The following GALNTL6 variants were observed in gnomAD, a reference collection of about 807,000 sequenced individuals.
The protein encoded by GALNTL6 is polypeptide N-acetylgalactosaminyltransferase-like 6.
Under a neutral mutation model 73.7 loss-of-function variants are expected in GALNTL6, and 46 were observed. The observed-to-expected ratio is 0.62, with a 90% CI of 0.49 to 0.80. GALNTL6 has a LOEUF of 0.80. Among genes scored for constraint, GALNTL6 ranks in the 30% least tolerant of loss-of-function variants. The pLI, the probability that GALNTL6 is intolerant of heterozygous loss-of-function variation, is 0.00. For synonymous variants in GALNTL6, 259 were observed against 263.7 expected (o/e 0.98, Z 0.17); for missense variants, 604 against 755.0 (o/e 0.80, Z 2.34).
intron 5 of GALNTL6, among the ~76,000 whole-genome samples, chr4:172,431,205 G>C (rs1250572099): frequency 6.6e-6 from 1 of 152,074 alleles, no homozygotes; most frequent in African/African-American, 2.4e-5. Context: ...AAGTAGATTT[G>C]AATAGATTTC....
rs1005181117 is a variant in GALNTL6 at position 172,408,690 on chromosome 4, G to A, written c.553+60001G>A. Among the ~76,000 whole-genome samples the A allele has an allele frequency of 7.9e-5, 12 of 151,760 alleles. No individual in the cohort carries two copies. In the South Asian group the frequency reaches 1.7e-3, roughly 21 times the overall value. ...TGCTAATCATTTGTTGAATTAAACT[G>A]ATGTTGTTAGTAGGCGAGGAAATAC... On this transcript the variant is annotated intron_variant, in intron 5 of 12. Transcript: ENST00000506823.
At chr4:172,433,259 T>G (rs1731521535) in intron 5 of GALNTL6, among the ~76,000 whole-genome samples, 1 of 152,160 alleles carries the variant, frequency 6.6e-6, no homozygotes, top group Non-Finnish European at 1.5e-5. Flanking sequence ...ATCTGGTTGT[T>G]AAGCATGAGC....
At chr4:171,821,426 T>C (rs494770) in intron 2 of GALNTL6, among the ~76,000 whole-genome samples, 105,427 of 151,848 alleles carry the variant, frequency 0.69, 38,868 homozygotes, top group Admixed American at 0.83. Context: ...TAGTATTGGG[T>C]CTTGTTCTCT....
At position 172,348,378 on chromosome 4, in the gene GALNTL6, C is replaced by A. The variant is rs1741826902; in HGVS notation, c.387-145C>A. On this transcript the variant is annotated intron_variant, in intron 4 of 12. Transcript: ENST00000506823. The stretch of plus-strand genomic sequence containing the variant: ...TGCATTCCGTGAAGGAGCAGGATAA[C>A]AATCATGCTGTACAAACTCTGGTTG... 6 of 572,392 alleles carry A rather than the reference C, an allele frequency of 1.0e-5. No homozygotes were observed. The South Asian group carries it at 1.6e-4, about 15-fold the overall frequency. 35.5% of individuals were successfully genotyped at this position (572,392 alleles called of 1,614,324 possible). A position where few individuals can be genotyped will look rare whatever the true frequency, so the allele number is the denominator to read the frequency against.
chr4:172,522,674 C>T (rs550668250), intron 5 of GALNTL6, among the ~76,000 whole-genome samples: 5 of 64,088 alleles, frequency 7.8e-5, no homozygotes, highest in East Asian at 7.5e-4. Context: ...GTCCCCCCCC[C>T]CCCCAAAAAA....
intron 5 of GALNTL6, among the ~76,000 whole-genome samples, chr4:172,436,900 C>T (rs1400292662): frequency 6.6e-6 from 1 of 152,052 alleles, no homozygotes. Flanking sequence ...GGTGGATTTG[C>T]AGTCTAGCTG....
At chr4:172,333,961 A>G (rs1219519985) in intron 4 of GALNTL6, among the ~76,000 whole-genome samples, 4 of 152,010 alleles carry the variant, frequency 2.6e-5, no homozygotes, top group Non-Finnish European at 4.4e-5. Context: ...TCCCAATGTA[A>G]GTTCTTGTCA....
chr4:171,892,456 A>G (rs6812180), intron 2 of GALNTL6, among the ~76,000 whole-genome samples: 1,594 of 152,346 alleles, frequency 0.01, 31 homozygotes, highest in African/African-American at 0.037. Flanking sequence ...TATCCCTTAC[A>G]AATGCCAAAA....
chr4:172,810,149 A>G (rs1368562424), intron 6 of GALNTL6, among the ~76,000 whole-genome samples: 2 of 152,212 alleles, frequency 1.3e-5, no homozygotes, highest in African/African-American at 4.8e-5. Flanking sequence ...CTTCTAACAC[A>G]GTGCAGCTGT....
rs180770366 is a variant in GALNTL6 at position 173,022,859 on chromosome 4, A to C, written c.1638+1234A>C. ...AAAATATTTTTATTGTTTCCTTTTG[A>C]CAACTTTTTAGAATACTTTACAAAA... On this transcript the variant is annotated intron_variant, in intron 12 of 12. Coordinates refer to ENST00000506823, the MANE Select transcript of GALNTL6 (RefSeq NM_001034845.3). 1.1e-3 allele frequency among the ~76,000 whole-genome samples: 162 copies of C among 152,340 alleles called. 1 individual carries two copies. Among genetic ancestry groups the C allele is most frequent in the Non-Finnish European group, 1.5e-3 (105 of 68,034 alleles).
intron 5 of GALNTL6, among the ~76,000 whole-genome samples, chr4:172,762,908 AC>A (rs67889223): frequency 0.48 from 72,256 of 151,808 alleles, 17,945 homozygotes; most frequent in African/African-American, 0.62. Context: ...TGTTTAAAAA[AC>A]ATTAGAAAAG....
intron 2 of GALNTL6, among the ~76,000 whole-genome samples, chr4:171,957,243 T>C (rs939535697): frequency 6.6e-6 from 1 of 152,236 alleles, no homozygotes; most frequent in Non-Finnish European, 1.5e-5. Context: ...AATTAAATCA[T>C]GTTAAATTAA....
chr4:172,175,548 A>T (rs1734962451), intron 2 of GALNTL6, among the ~76,000 whole-genome samples: 1 of 152,210 alleles, frequency 6.6e-6, no homozygotes, highest in African/African-American at 2.4e-5. Context: ...TGTCCAGATT[A>T]CAAGTATCCT....
In GALNTL6 at chr4:172,342,302, T is replaced by G. The variant is rs554847686; in HGVS notation, c.387-6221T>G. 2.0e-5 allele frequency among the ~76,000 whole-genome samples: 3 copies of G among 152,180 alleles called. No individual in the cohort carries two copies. In the East Asian group the frequency reaches 5.8e-4, roughly 29 times the overall value. On this transcript the variant is annotated intron_variant, in intron 4 of 12. Coordinates refer to ENST00000506823, the MANE Select transcript of GALNTL6 (RefSeq NM_001034845.3). ...GTATAAAGATGCCTTAAAGGGCCAA[T>G]GATAGAATGACATTTCCAAAAGATT...
chr4:171,919,904 T>G (rs539764948), intron 2 of GALNTL6, among the ~76,000 whole-genome samples: 2 of 152,238 alleles, frequency 1.3e-5, no homozygotes, highest in African/African-American at 4.8e-5. Context: ...ATCCCATTAC[T>G]GGGTGTATAC....
At chr4:171,948,962 T>TAC (rs3080339) in intron 2 of GALNTL6, among the ~76,000 whole-genome samples, 18 of 123,584 alleles carry the variant, frequency 1.5e-4, no homozygotes, top group African/African-American at 2.9e-4. Flanking sequence ...CATATATATA[T>TAC]ACACACACAC....
intron 3 of GALNTL6, among the ~76,000 whole-genome samples, chr4:172,281,059 C>G (rs958386187): frequency 6.6e-6 from 1 of 151,654 alleles, no homozygotes; most frequent in Non-Finnish European, 1.5e-5. Context: ...GTCCCTGCTA[C>G]TTAGGAGGCT....
chr4:172,240,013 T>C lies in GALNTL6; in HGVS notation c.247+10249T>C, dbSNP rs571316297. Reference sequence around the variant, plus strand: ...AATATTTTTGCTTTCATGTTGACCTTGGAGAATCTAATGAGTATGTGTCTT... The same window carrying C: ...AATATTTTTGCTTTCATGTTGACCTCGGAGAATCTAATGAGTATGTGTCTT... On this transcript the variant is annotated intron_variant, in intron 3 of 12. Coordinates refer to ENST00000506823, the MANE Select transcript of GALNTL6 (RefSeq NM_001034845.3). 5.3e-5 allele frequency among the ~76,000 whole-genome samples: 8 copies of C among 152,326 alleles called. No individual in the cohort carries two copies. The East Asian group carries it at 1.2e-3, about 22-fold the overall frequency.
At chr4:172,245,525 T>G (rs901460173) in intron 3 of GALNTL6, among the ~76,000 whole-genome samples, 1 of 152,202 alleles carries the variant, frequency 6.6e-6, no homozygotes, top group African/African-American at 2.4e-5. Flanking sequence ...GTCACCATTA[T>G]GACATTAACA....
Sources: gnomAD v4.1 joint callset for allele counts (sites outside exome capture counted in the v4.1 genomes callset) on GRCh38, gnomAD v4.1.1 for gene constraint, MANE v1.5 for transcripts, NCBI Gene and HGNC (gene_info 2026-07-23, HGNC 2026-07-21) for gene names.